TRNT1: variants seen among roughly 807,000 people sequenced by gnomAD.
The protein encoded by TRNT1 is tRNA nucleotidyl transferase 1.
In TRNT1, 44 loss-of-function variants were observed where a neutral mutation model predicts 45.6. The ratio of observed to expected loss-of-function variants is 0.97; its 90% confidence interval spans 0.76 to 1.24. The LOEUF (loss-of-function observed/expected upper bound fraction) is 1.24. TRNT1 is among the 50% of genes most tolerant of loss of function. The pLI is 0.00. For missense variants in TRNT1, 633 were observed against 504.4 expected (o/e 1.25, Z -2.44); for synonymous variants, 201 against 171.4 (o/e 1.17, Z -1.35).
At chr3:3,151,497 T>TGG (rs1356842505), downstream of TRNT1, among the ~76,000 whole-genome samples, 1 of 46,074 alleles carries the variant, frequency 2.2e-5, no homozygotes. Context: ...AAAAAGTAAA[T>TGG]ATTTATATTC....
At chr3:3,150,825 T>C (rs1291080789), downstream of TRNT1, 8 of 1,562,926 alleles carry the variant, frequency 5.1e-6, no homozygotes, top group African/African-American at 9.8e-5. Flanking sequence ...TCTTAGAATA[T>C]AACCAATTTG....
chr3:3,140,993 A>G (rs1705613725), intron 4 of TRNT1, among the ~76,000 whole-genome samples: 1 of 152,002 alleles, frequency 6.6e-6, no homozygotes, highest in South Asian at 2.1e-4. Context: ...AATGGTGTGA[A>G]CCCGGGAGGC....
downstream of TRNT1, chr3:3,153,149 T>C (rs2126052581): frequency 2.4e-6 from 1 of 409,812 alleles, no homozygotes; most frequent in South Asian, 2.3e-5. Context: ...GACAGTCTAA[T>C]ATATAGATTG....
chr3:3,146,477 C>G lies in TRNT1; in HGVS notation c.656C>G (p.Thr219Ser). ...AAACCTGGTGACCATGATCCTGAGA[C>G]TTTGGAAGCAATTGCAGAAAATGCA... ...VDKPGDHDPE[T>S]LEAIAENAKG... Residue 219 changes from threonine to serine, a missense_variant, in exon 6 of 8, where the codon ACT becomes AGT. Physicochemically the swap from Thr to Ser is moderately conservative, Grantham distance 58. Transcript: ENST00000251607. 8 of 1,613,804 alleles carry G rather than the reference C, an allele frequency of 5.0e-6. No homozygotes were observed. Among genetic ancestry groups the G allele is most frequent in the Non-Finnish European group, 6.8e-6 (8 of 1,179,906 alleles).
chr3:3,146,749 A>C, intron 6 of TRNT1, 126 bp downstream of exon 6: 1 of 949,586 alleles, frequency 1.1e-6, no homozygotes, highest in Non-Finnish European at 1.5e-6. Context: ...TTTTAAAATA[A>C]GACAAAGTTT....
intron 4 of TRNT1, among the ~76,000 whole-genome samples, chr3:3,142,205 TGAAA>T (rs1317190997): frequency 1.3e-5 from 2 of 152,216 alleles, no homozygotes; most frequent in Non-Finnish European, 2.9e-5. Flanking sequence ...ATAAGCATAC[TGAAA>T]GAGAGAAACT....
intron 3 of TRNT1, among the ~76,000 whole-genome samples, chr3:3,139,423 A>T (rs577412140): frequency 2.7e-4 from 41 of 152,346 alleles, no homozygotes; most frequent in African/African-American, 8.9e-4. Context: ...GGTGATCGTT[A>T]ACGGCTTTCA....
chr3:3,147,208 A>G lies in TRNT1; in HGVS notation c.803-242A>G, dbSNP rs748095084. Among the ~76,000 whole-genome samples the G allele has an allele frequency of 3.3e-5, 5 of 152,054 alleles. No homozygotes were observed. The East Asian group carries it at 9.7e-4, about 29-fold the overall frequency. On this transcript the variant is annotated intron_variant, in intron 6 of 7. Transcript: ENST00000251607. ...TGAGTCTGACACCACTGTCACCACTACCCCTGGAACTCTTGATGTAGCTTT... is the reference window on the plus strand; with the variant it reads ...TGAGTCTGACACCACTGTCACCACTGCCCCTGGAACTCTTGATGTAGCTTT...
At chr3:3,132,580 C>G (rs1219527420) in intron 2 of TRNT1, among the ~76,000 whole-genome samples, 1 of 94,054 alleles carries the variant, frequency 1.1e-5, no homozygotes, top group African/African-American at 4.2e-5. Flanking sequence ...ATACCTAATG[C>G]TAGATGACAC....
chr3:3,135,058 C>T (rs1397712984), intron 2 of TRNT1, among the ~76,000 whole-genome samples: 1 of 152,050 alleles, frequency 6.6e-6, no homozygotes, highest in East Asian at 1.9e-4. Context: ...GAATAGATTG[C>T]ATGGTACGAA....
chr3:3,143,829 A>AAGTG (rs1705811230), intron 4 of TRNT1, among the ~76,000 whole-genome samples: 1 of 152,014 alleles, frequency 6.6e-6, no homozygotes, highest in African/African-American at 2.4e-5. Flanking sequence ...CTGCACTCCA[A>AAGTG]CCAGGGTGAC....
rs374589459 is a variant in TRNT1 at position 3,147,734 on chromosome 3, T to C, written c.1056+31T>C. The C allele has an allele frequency of 1.0e-4, 163 of 1,565,762 alleles. No individual in the cohort carries two copies. The African/African-American group carries it at 2.0e-3, about 19-fold the overall frequency. ...TATATACTAGGCTTGGTCAGAAATA[T>C]GAAGTATCGTCACGAATTTAGAATT... On this transcript the variant is annotated intron_variant, in intron 7 of 7. Coordinates refer to ENST00000251607, the MANE Select transcript of TRNT1 (RefSeq NM_182916.3).
At chr3:3,152,796 G>A (rs2126051913), downstream of TRNT1, 1 of 597,316 alleles carries the variant, frequency 1.7e-6, no homozygotes, top group Non-Finnish European at 3.0e-6. Flanking sequence ...ATGTCTAAAT[G>A]TTTTCTGTGA....
Position 3,145,893 on chromosome 3 carries a change from G to A in TRNT1, c.609-537G>A, listed in dbSNP as rs115214210. On this transcript the variant is annotated intron_variant, in intron 5 of 7. Coordinates refer to ENST00000251607, the MANE Select transcript of TRNT1 (RefSeq NM_182916.3). ...TTAAGGGCATGAGAGGGAAACACAT[G>A]CACGTTAGGGCTTCCAGTTCTAAGA... is the stretch of plus-strand genomic sequence containing the variant. Among the ~76,000 whole-genome samples the A allele has an allele frequency of 1.8e-3, 277 of 151,978 alleles. 2 individuals carry two copies. The highest frequency in any genetic ancestry group is 6.3e-3 in the African/African-American group (260 of 41,428).
intron 1 of TRNT1, chr3:3,127,802 C>CTG (rs1245802679): frequency 6.6e-6 from 1 of 152,142 alleles, no homozygotes; most frequent in Non-Finnish European, 1.5e-5. Context: ...GGGAGAGTGT[C>CTG]ATCACAGTAC....
At chr3:3,146,102 G>C (rs774610023) in intron 5 of TRNT1, among the ~76,000 whole-genome samples, 5 of 150,158 alleles carry the variant, frequency 3.3e-5, no homozygotes, top group African/African-American at 1.2e-4. Flanking sequence ...TCTAGTATAA[G>C]TGCCAATTCA....
chr3:3,139,394 A>G (rs1559222610), intron 3 of TRNT1, among the ~76,000 whole-genome samples: 1 of 152,222 alleles, frequency 6.6e-6, no homozygotes, highest in Non-Finnish European at 1.5e-5. Context: ...AATTGAGAGA[A>G]ATCCTACAAC....
Position 3,129,139 on chromosome 3 carries a change from G to C in TRNT1, c.99G>C (p.Gln33His), listed in dbSNP as rs769270771. The C allele has an allele frequency of 6.2e-7, 1 of 1,614,124 alleles. No homozygotes were observed. ...PKQYLFTMKL[Q>H]SPEFQSLFTE... ...AGTATCTATTCACAATGAAGTTGCA[G>C]TCTCCCGAATTCCAGTCACTTTTCA... is the stretch of plus-strand genomic sequence containing the variant. Residue 33 changes from glutamine (Q) to histidine (H), a missense_variant, in exon 2 of 8, where the codon CAG (glutamine) becomes CAC (histidine). Transcript: ENST00000251607.
intron 4 of TRNT1, among the ~76,000 whole-genome samples, chr3:3,142,105 G>C (rs562457394): frequency 6.6e-6 from 1 of 152,154 alleles, no homozygotes; most frequent in Non-Finnish European, 1.5e-5. Flanking sequence ...AATGTAGTCA[G>C]AGCTCCAGGT....
Sources: gnomAD v4.1 joint callset for allele counts (sites outside exome capture counted in the v4.1 genomes callset) on GRCh38, gnomAD v4.1.1 for gene constraint, MANE v1.5 for transcripts, NCBI Gene and HGNC (gene_info 2026-07-23, HGNC 2026-07-21) for gene names.